CLHC1: variants seen among roughly 807,000 people sequenced by gnomAD.
CLHC1 encodes the protein clathrin heavy chain linker domain-containing protein 1.
CLHC1 carries 72 observed loss-of-function variants against 69.5 expected under a neutral mutation model. That is an observed-to-expected ratio of 1.04 (90% CI 0.86 to 1.26). The LOEUF is 1.26. Among genes scored for constraint, CLHC1 ranks in the 50% most tolerant of loss-of-function variants. CLHC1 has a pLI of 0.00. For missense variants in CLHC1, 790 were observed against 679.3 expected, an observed-to-expected ratio of 1.16 and a Z score of -1.81; for synonymous variants, 223 against 224.3, an observed-to-expected ratio of 0.99 and a Z score of 0.05.
At chr2:55,213,065 T>C (rs1002181092) in intron 4 of CLHC1, among the ~76,000 whole-genome samples, 7 of 152,210 alleles carry the variant, frequency 4.6e-5, no homozygotes, top group African/African-American at 7.2e-5. Context: ...AACTATTCTC[T>C]TTAGTAGAAA....
Position 55,181,695 on chromosome 2 carries a change from C to T in CLHC1, c.1056G>A (p.Glu352=). ...GKPLPLLLFF[E]ALFITSHAFP... ...AAGCATGACTTGTGATAAAGAGGGC[C>T]TCAAAAAATAAGAGTAATGGAAGAG... The change falls in exon 10 of 13, where the codon GAG becomes GAA. Residue 352 remains glutamate (E), a synonymous_variant. Coordinates refer to ENST00000401408, the MANE Select transcript of CLHC1 (RefSeq NM_152385.4). The T allele has an allele frequency of 6.2e-7, 1 of 1,613,570 alleles. No individual in the cohort carries two copies. Among genetic ancestry groups the T allele is most frequent in the East Asian group, 2.2e-5 (1 of 44,832 alleles).
intron 2 of CLHC1, chr2:55,224,703 G>C (rs1337393361): frequency 6.0e-5 from 16 of 265,118 alleles, no homozygotes; most frequent in Non-Finnish European, 8.8e-5. Flanking sequence ...GACTGGAAAG[G>C]AGTGCAGTTT....
intron 9 of CLHC1, among the ~76,000 whole-genome samples, chr2:55,200,462 A>G (rs373017322): frequency 7.2e-5 from 11 of 152,322 alleles, no homozygotes; most frequent in African/African-American, 2.6e-4. Flanking sequence ...AAAGGGGTCA[A>G]TTCAACAAGA....
In CLHC1 at chr2:55,177,585, C is replaced by A. The variant is rs1349210311; in HGVS notation, c.1564+17G>T. 5.2e-6 allele frequency: 8 copies of A among 1,551,860 alleles called. No homozygotes were observed. In the African/African-American group the frequency reaches 9.6e-5, roughly 19 times the overall value. Reference sequence around the variant, plus strand: ...TAACCCACTACTATTTCTCCCACAACATTTTATTCTACTTACCTATCCCAC... The same window carrying A: ...TAACCCACTACTATTTCTCCCACAAAATTTTATTCTACTTACCTATCCCAC... On this transcript the variant is annotated intron_variant, in intron 12 of 12. Transcript: ENST00000401408.
chr2:55,215,790 G>C (rs751332209), intron 4 of CLHC1, among the ~76,000 whole-genome samples: 7 of 152,070 alleles, frequency 4.6e-5, no homozygotes, highest in Non-Finnish European at 8.8e-5. Context: ...AGCAGTTTTA[G>C]TGCTCCACTT....
At chr2:55,203,509 T>C (rs1367828639) in intron 9 of CLHC1, among the ~76,000 whole-genome samples, 2 of 152,062 alleles carry the variant, frequency 1.3e-5, no homozygotes, top group African/African-American at 4.8e-5. Flanking sequence ...CAAATGCACA[T>C]ACCTAAAGTG....
rs754699318 is a variant in CLHC1, at chr2:55,175,785, T to C, written c.*5A>G. ...CAAGCTCCCTCAGCTGGTTAAGATA[T>C]AGAACTACCAAAACACATGTTCCAT... On this transcript the variant is annotated 3_prime_UTR_variant, in exon 13 of 13. Coordinates refer to ENST00000401408, the MANE Select transcript of CLHC1 (RefSeq NM_152385.4). 3.0e-5 allele frequency: 49 copies of C among 1,611,942 alleles called. No individual in the cohort carries two copies. The highest frequency in any genetic ancestry group is 4.0e-5 in the Non-Finnish European group (47 of 1,178,360).
chr2:55,227,018 A>G (rs2104130469), intron 2 of CLHC1, among the ~76,000 whole-genome samples: 1 of 152,368 alleles, frequency 6.6e-6, no homozygotes, highest in East Asian at 1.9e-4. Context: ...CTGATACCTG[A>G]TTATGTGAAT....
In CLHC1 at chr2:55,222,371, G is replaced by A; in HGVS notation, c.41C>T (p.Pro14Leu). The change falls in exon 3 of 13, where the codon CCT (proline) becomes CTT (leucine). Residue 14 changes from proline (P) to leucine (L), a missense_variant. Pro to Leu is a moderately conservative substitution (Grantham distance 98, BLOSUM62 -3). Coordinates refer to ENST00000401408, the MANE Select transcript of CLHC1 (RefSeq NM_152385.4). ...HQIRKHAVLP[P>L]IICRSDKEFL... ...TTCCTTGTCACTTCTACAAATGATA[G>A]GTGGGAGAACTGCATGTTTTCTTAT... 6.2e-7 allele frequency: 1 copy of A among 1,613,796 alleles called. No individual in the cohort carries two copies. Among genetic ancestry groups the A allele is most frequent in the South Asian group, 1.1e-5 (1 of 91,048 alleles).
intron 12 of CLHC1, among the ~76,000 whole-genome samples, chr2:55,177,158 C>T (rs1669471084): frequency 6.6e-6 from 1 of 152,176 alleles, no homozygotes; most frequent in Non-Finnish European, 1.5e-5. Flanking sequence ...CAGGGGTGAG[C>T]CACTGCACCC....
chr2:55,193,916 C>G (rs1285728628), intron 9 of CLHC1, among the ~76,000 whole-genome samples: 1 of 152,166 alleles, frequency 6.6e-6, no homozygotes, highest in African/African-American at 2.4e-5. Context: ...GCAGTACATT[C>G]ATACAATGGA....
At chr2:55,220,593 T>C (rs1239590473) in intron 3 of CLHC1, among the ~76,000 whole-genome samples, 1 of 152,158 alleles carries the variant, frequency 6.6e-6, no homozygotes, top group Admixed American at 6.5e-5. Flanking sequence ...TTTAACACCA[T>C]ATGTTTTCTC....
intron 3 of CLHC1, 121 bp downstream of exon 3, chr2:55,222,114 A>C: frequency 1.4e-6 from 1 of 711,282 alleles, no homozygotes; most frequent in East Asian, 2.9e-5. Flanking sequence ...GAACTTCTCA[A>C]AATCAGCAAA....
chr2:55,200,431 A>C (rs1312663749), intron 9 of CLHC1, among the ~76,000 whole-genome samples: 1 of 152,176 alleles, frequency 6.6e-6, no homozygotes, highest in Non-Finnish European at 1.5e-5. Flanking sequence ...AAAGAGACAA[A>C]GAAAGTCATT....
At chr2:55,182,014 A>G (rs988085179) in intron 9 of CLHC1, among the ~76,000 whole-genome samples, 1 of 152,090 alleles carries the variant, frequency 6.6e-6, no homozygotes, top group Non-Finnish European at 1.5e-5. Context: ...AAGCTAGGAG[A>G]GAGGCATGGA....
intron 3 of CLHC1, 200 bp from the exon 4 acceptor site, chr2:55,218,198 C>A: frequency 2.7e-6 from 1 of 376,294 alleles, no homozygotes; most frequent in South Asian, 9.6e-5. Context: ...TGGAACATTA[C>A]AGTAGATAAT....
intron 12 of CLHC1, among the ~76,000 whole-genome samples, 193 bp from the exon 13 acceptor site, chr2:55,176,179 C>T (rs1344194598): frequency 1.3e-5 from 2 of 152,186 alleles, no homozygotes; most frequent in East Asian, 1.9e-4. Context: ...AGTTCCTTCT[C>T]CTCCTCCCTT....
At chr2:55,219,534 G>A (rs185644678) in intron 3 of CLHC1, among the ~76,000 whole-genome samples, 40 of 152,108 alleles carry the variant, frequency 2.6e-4, no homozygotes, top group African/African-American at 5.3e-4. Flanking sequence ...TGGAGCTTTC[G>A]ATTACAATCT....
At chr2:55,200,432 G>C (rs1421159228) in intron 9 of CLHC1, among the ~76,000 whole-genome samples, 1 of 151,964 alleles carries the variant, frequency 6.6e-6, no homozygotes, top group Non-Finnish European at 1.5e-5. Context: ...AAGAGACAAA[G>C]AAAGTCATTA....
Sources: allele counts gnomAD v4.1 joint callset (sites outside exome capture counted in the v4.1 genomes callset), GRCh38; gene constraint gnomAD v4.1.1; transcripts MANE v1.5; gene names NCBI Gene and HGNC (gene_info 2026-07-23, HGNC 2026-07-21).